Variants in ABCA12 observed in about 807,000 individuals in gnomAD.
ABCA12 encodes glucosylceramide transporter ABCA12.
In ABCA12, 156 loss-of-function variants were observed where a neutral mutation model predicts 293.5. The ratio of observed to expected loss-of-function variants is 0.53; its 90% CI spans 0.47 to 0.61. The LOEUF (loss-of-function observed/expected upper bound fraction) is 0.61, where lower values mean the gene tolerates loss of function less well. Among genes scored for constraint, ABCA12 ranks in the 20% least tolerant of loss-of-function variants. The pLI, the probability that ABCA12 is intolerant of heterozygous loss-of-function variation, is 0.00. For missense variants in ABCA12, 2,797 were observed against 3,090.2 expected (o/e 0.91, Z 2.25); for synonymous variants, 1,063 against 1,108.0 (o/e 0.96, Z 0.81).
intron 3 of ABCA12, among the ~76,000 whole-genome samples, chr2:215,055,678 T>C (rs1434911037): frequency 6.7e-6 from 1 of 149,896 alleles, no homozygotes; most frequent in Non-Finnish European, 1.5e-5. Flanking sequence ...GAATCCTAGT[T>C]CCAGGGTACT....
Position 214,970,409 on chromosome 2 carries a change from T to C in ABCA12, c.5563-9A>G, listed in dbSNP as rs1321606566. 6.2e-7 allele frequency: 1 copy of C among 1,612,710 alleles called. No homozygotes were observed. The highest frequency in any genetic ancestry group is 1.3e-5 in the African/African-American group (1 of 74,834). ...TTAAATTTAGGACATTCCTGGAAAA[T>C]AAAGTTAAAAATGAATTTTTTTCTG... On this transcript the variant is annotated splice_polypyrimidine_tract_variant and intron_variant, in intron 36 of 52. Coordinates refer to ENST00000272895, the MANE Select transcript of ABCA12 (RefSeq NM_173076.3).
chr2:215,011,698 G>A, intron 16 of ABCA12, 49 bp from the exon 17 acceptor site: 1 of 1,565,438 alleles, frequency 6.4e-7, no homozygotes, highest in Middle Eastern at 1.7e-4. Context: ...AGCTTTAGAA[G>A]CTACTGAAAA....
chr2:214,955,560 G>C (rs1698920519), intron 42 of ABCA12, among the ~76,000 whole-genome samples, 199 bp from the exon 43 acceptor site: 1 of 152,162 alleles, frequency 6.6e-6, no homozygotes, highest in African/African-American at 2.4e-5. Flanking sequence ...GCACGCACCT[G>C]TAGCCCTGGT....
Position 214,986,690 on chromosome 2 carries a change from G to A in ABCA12, c.4015C>T (p.Pro1339Ser), listed in dbSNP as rs1012310494. ...YMFSSNIEPE[P>S]KDLTVGVALH... ...GCAACCCCGACTGTGAGATCTTTAGGTTCAGGCTCGATGTTAGAGGAAAAC... is the reference window on the plus strand; with the variant it reads ...GCAACCCCGACTGTGAGATCTTTAGATTCAGGCTCGATGTTAGAGGAAAAC... Residue 1339 changes from proline (P) to serine (S), a missense_variant, in exon 28 of 53, where the codon CCT (proline) becomes TCT (serine). Physicochemically the swap from Pro to Ser is moderately conservative, Grantham distance 74 (BLOSUM62 -1). This residue lies in a region of ABCA12 where 2,130 missense variants were observed against 2,427.0 expected (regional missense o/e 0.88). Transcript: ENST00000272895. 7 of 1,613,966 alleles carry A rather than the reference G, an allele frequency of 4.3e-6. No homozygotes were observed. Among genetic ancestry groups the A allele is most frequent in the Non-Finnish European group, 5.9e-6 (7 of 1,179,994 alleles).
At chr2:215,115,462 A>G (rs1299175932) in intron 1 of ABCA12, among the ~76,000 whole-genome samples, 3 of 152,162 alleles carry the variant, frequency 2.0e-5, no homozygotes, top group Non-Finnish European at 2.9e-5. Flanking sequence ...GGAGAAAGGG[A>G]TGATATATTA....
At chr2:215,043,688 T>C (rs1379677279) in intron 7 of ABCA12, among the ~76,000 whole-genome samples, 1 of 152,114 alleles carries the variant, frequency 6.6e-6, no homozygotes, top group African/African-American at 2.4e-5. Flanking sequence ...TTTTAAGTTG[T>C]AAAGTGATCA....
At chr2:215,064,293 A>T in intron 2 of ABCA12, 74 bp from the exon 3 acceptor site, 1 of 1,474,812 alleles carries the variant, frequency 6.8e-7, no homozygotes, top group East Asian at 2.4e-5. Flanking sequence ...CAGTAACTCC[A>T]CTTTGTGAAG....
intron 8 of ABCA12, among the ~76,000 whole-genome samples, chr2:215,034,497 T>C (rs1559158788): frequency 6.6e-6 from 1 of 152,228 alleles, no homozygotes; most frequent in African/African-American, 2.4e-5. Context: ...CCAAGCTCCA[T>C]CAGTGACTAA....
chr2:215,067,538 C>A, intron 2 of ABCA12, among the ~76,000 whole-genome samples: 1 of 152,160 alleles, frequency 6.6e-6, no homozygotes, highest in Non-Finnish European at 1.5e-5. Context: ...CCCAGGATAA[C>A]ATTCATGCCC....
rs1391432987 is a variant in ABCA12 at position 214,989,713 on chromosome 2, G to A, written c.3625-92C>T. On this transcript the variant is annotated intron_variant, in intron 24 of 52. Transcript: ENST00000272895. ...AAAATACTTAAAACTTTGGACATTTGTATAGATAAAATTGATGCTCATTCT... is the reference window on the plus strand; with the variant it reads ...AAAATACTTAAAACTTTGGACATTTATATAGATAAAATTGATGCTCATTCT... 6 of 1,358,690 alleles carry A rather than the reference G, an allele frequency of 4.4e-6. No homozygotes were observed. The Admixed American group carries it at 8.4e-5, about 19-fold the overall frequency. The allele number at this position is 1,358,690 out of a possible 1,614,324, so 84.2% of individuals were successfully genotyped here. A position where few individuals can be genotyped will look rare whatever the true frequency, so the allele number is the denominator to read the frequency against.
intron 1 of ABCA12, among the ~76,000 whole-genome samples, chr2:215,113,764 A>C (rs1307576135): frequency 6.6e-6 from 1 of 152,224 alleles, no homozygotes; most frequent in East Asian, 1.9e-4. Flanking sequence ...TCCATTAATG[A>C]TGAATATAGG....
chr2:214,989,210 A>ATATAT (rs60341150), intron 26 of ABCA12, 119 bp downstream of exon 26: 45 of 149,558 alleles, frequency 3.0e-4, no homozygotes, highest in East Asian at 4.2e-4. Flanking sequence ...ATATATATAT[A>ATATAT]ATATTTTTAT....
Position 215,085,272 on chromosome 2 carries a change from A to G in ABCA12, c.164-21053T>C, listed in dbSNP as rs78268669. ...AAGACTTTCACTGTTTTAAATGTTA[A>G]CTGAAAATAAGTGAACTGAATCAAG... On this transcript the variant is annotated intron_variant, in intron 2 of 52. Coordinates refer to ENST00000272895, the MANE Select transcript of ABCA12 (RefSeq NM_173076.3). Among the ~76,000 whole-genome samples, 1,142 of 152,290 alleles carry G rather than the reference A, an allele frequency of 7.5e-3. 11 individuals carry two copies. The highest frequency in any genetic ancestry group is 0.026 in the African/African-American group (1,081 of 41,568).
intron 1 of ABCA12, among the ~76,000 whole-genome samples, chr2:215,120,948 G>A (rs967728410): frequency 2.0e-5 from 3 of 152,106 alleles, no homozygotes; most frequent in Admixed American, 6.6e-5. Context: ...TGTTCCCCAG[G>A]ATGAATTCTT....
chr2:215,054,477 CTTTG>C, intron 4 of ABCA12, 92 bp downstream of exon 4: 2 of 1,102,900 alleles, frequency 1.8e-6, no homozygotes, highest in Non-Finnish European at 2.8e-6. Flanking sequence ...AGCATTCCTT[CTTTG>C]TTTGAAAAGT....
At position 214,932,485 on chromosome 2, in the gene ABCA12, A is replaced by G; in HGVS notation, c.*149T>C. ...TTAGAAGGAAAAATTTCCTTTTATAATTACTTGTTAGTCTAACACAGTTGT... is the reference window on the plus strand; with the variant it reads ...TTAGAAGGAAAAATTTCCTTTTATAGTTACTTGTTAGTCTAACACAGTTGT... On this transcript the variant is annotated 3_prime_UTR_variant, in exon 53 of 53. Coordinates refer to ENST00000272895, the MANE Select transcript of ABCA12 (RefSeq NM_173076.3). 1.4e-6 allele frequency: 1 copy of G among 697,440 alleles called. No individual in the cohort carries two copies. Among genetic ancestry groups the G allele is most frequent in the Admixed American group, 2.5e-5 (1 of 39,834 alleles). 43.2% of individuals were successfully genotyped at this position (697,440 alleles called of 1,614,324 possible).
chr2:214,943,808 C>T (rs1559104570), intron 49 of ABCA12, among the ~76,000 whole-genome samples: 1 of 152,102 alleles, frequency 6.6e-6, no homozygotes, highest in South Asian at 2.1e-4. Context: ...TTAGGTATTA[C>T]CCTGTCCACC....
At chr2:214,941,832 T>C (rs1698414777) in intron 50 of ABCA12, among the ~76,000 whole-genome samples, 1 of 152,126 alleles carries the variant, frequency 6.6e-6, no homozygotes. Flanking sequence ...CATCCCTTTA[T>C]TTTGAGCCCA....
At chr2:215,032,529 A>T (rs1254164763) in intron 8 of ABCA12, 1 of 152,856 alleles carries the variant, frequency 6.5e-6, no homozygotes, top group African/African-American at 2.4e-5. Flanking sequence ...ATCTAATTCA[A>T]CACCATGAGT....
Sources: gnomAD v4.1 joint callset for allele counts (sites outside exome capture counted in the v4.1 genomes callset) on GRCh38, gnomAD v4.1.1 for gene constraint, gnomAD v4.1.1 regional missense constraint, MANE v1.5 for transcripts, NCBI Gene and HGNC (gene_info 2026-07-23, HGNC 2026-07-21) for gene names.